The following PHACTR3 variants were observed in gnomAD, a reference collection of about 807,000 sequenced individuals.
The protein encoded by PHACTR3 is phosphatase and actin regulator 3.
A neutral mutation model predicts 66.8 loss-of-function variants in PHACTR3; 16 were observed. The observed-to-expected ratio is 0.24, with a 90% confidence interval of 0.16 to 0.36. PHACTR3 has a LOEUF of 0.36. Among genes scored for constraint, PHACTR3 ranks in the 10% least tolerant of loss-of-function variants. PHACTR3 has a pLI of 1.00. For missense variants in PHACTR3, 647 were observed against 719.9 expected, an observed-to-expected ratio of 0.90 and a Z score of 1.16; for synonymous variants, 323 against 292.1, an observed-to-expected ratio of 1.11 and a Z score of -1.08.
At chr20:59,845,629 AATT>A (rs2059134259) in intron 12 of PHACTR3, among the ~76,000 whole-genome samples, 1 of 152,196 alleles carries the variant, frequency 6.6e-6, no homozygotes, top group Non-Finnish European at 1.5e-5. Flanking sequence ...ATTTTTGTGA[AATT>A]AGTCACTCCC....
At chr20:59,587,923 C>T (rs1025724304) in intron 1 of PHACTR3, among the ~76,000 whole-genome samples, 2 of 152,218 alleles carry the variant, frequency 1.3e-5, no homozygotes, top group Non-Finnish European at 2.9e-5. Context: ...TCCTGCCTTC[C>T]CCTCTGCTTC....
chr20:59,617,983 C>G (rs2146358394), intron 1 of PHACTR3, among the ~76,000 whole-genome samples: 1 of 152,328 alleles, frequency 6.6e-6, no homozygotes, highest in South Asian at 2.1e-4. Context: ...CCCCATCCAG[C>G]TGTGGGGAGG....
intron 8 of PHACTR3, among the ~76,000 whole-genome samples, chr20:59,807,595 G>A (rs985788663): frequency 3.9e-5 from 6 of 152,198 alleles, no homozygotes; most frequent in Admixed American, 1.3e-4. Context: ...TCATGATCAC[G>A]TGTGATGTAC....
chr20:59,596,045 G>A (rs541160930), intron 1 of PHACTR3, among the ~76,000 whole-genome samples: 1 of 152,288 alleles, frequency 6.6e-6, no homozygotes, highest in South Asian at 2.1e-4. Context: ...TCCCAAAGCC[G>A]CCTCGTGTCC....
chr20:59,641,273 T>G (rs559575715), intron 1 of PHACTR3, among the ~76,000 whole-genome samples: 3 of 152,166 alleles, frequency 2.0e-5, no homozygotes, highest in African/African-American at 4.8e-5. Flanking sequence ...TTTCATCCAT[T>G]CATCCATTGT....
intron 1 of PHACTR3, among the ~76,000 whole-genome samples, chr20:59,663,524 G>A (rs1326668370): frequency 6.6e-6 from 1 of 152,258 alleles, no homozygotes; most frequent in East Asian, 1.9e-4. Flanking sequence ...AAAATGTTTC[G>A]GTTCACTCTT....
intron 1 of PHACTR3, among the ~76,000 whole-genome samples, chr20:59,722,214 A>G (rs2038337926): frequency 1.3e-5 from 2 of 150,298 alleles, no homozygotes; most frequent in African/African-American, 4.9e-5. Flanking sequence ...CCTGGGCAGC[A>G]GAGTGAGACT....
intron 8 of PHACTR3, among the ~76,000 whole-genome samples, chr20:59,833,648 T>C (rs1484468272): frequency 1.3e-5 from 2 of 152,112 alleles, no homozygotes; most frequent in Non-Finnish European, 2.9e-5. Context: ...ACAGCCTCAC[T>C]CCTCAGGTGT....
intron 1 of PHACTR3, among the ~76,000 whole-genome samples, chr20:59,585,401 C>T (rs2032994786): frequency 6.6e-6 from 1 of 152,126 alleles, no homozygotes; most frequent in East Asian, 1.9e-4. Flanking sequence ...TCGACCCAGG[C>T]ACGTTTTTCT....
intron 11 of PHACTR3, among the ~76,000 whole-genome samples, chr20:59,841,982 T>TG (rs1362529103): frequency 6.6e-6 from 1 of 152,036 alleles, no homozygotes; most frequent in Non-Finnish European, 1.5e-5. Context: ...AGAGCTACAG[T>TG]GGGGACAAAG....
intron 1 of PHACTR3, among the ~76,000 whole-genome samples, chr20:59,690,680 A>C (rs925178501): frequency 2.0e-5 from 3 of 151,980 alleles, no homozygotes; most frequent in Non-Finnish European, 4.4e-5. Context: ...CTTCCTCCTC[A>C]CTGGCTGGAT....
intron 3 of PHACTR3, among the ~76,000 whole-genome samples, chr20:59,752,506 A>C (rs1777166285): frequency 6.7e-6 from 1 of 149,646 alleles, no homozygotes; most frequent in South Asian, 2.1e-4. Flanking sequence ...GGGAACTGAA[A>C]CTTTTCACTG....
intron 1 of PHACTR3, among the ~76,000 whole-genome samples, chr20:59,652,266 G>A (rs2035482188): frequency 6.6e-6 from 1 of 152,162 alleles, no homozygotes; most frequent in Non-Finnish European, 1.5e-5. Context: ...TGATAGATGT[G>A]GTGGCTCACA....
At chr20:59,612,448 C>T (rs1340082415) in intron 1 of PHACTR3, among the ~76,000 whole-genome samples, 1 of 151,922 alleles carries the variant, frequency 6.6e-6, no homozygotes, top group African/African-American at 2.4e-5. Context: ...GTGACCTCTG[C>T]CTGCCTGGTT....
intron 8 of PHACTR3, among the ~76,000 whole-genome samples, chr20:59,811,758 G>A (rs1298287275): frequency 6.6e-6 from 1 of 152,134 alleles, no homozygotes; most frequent in Non-Finnish European, 1.5e-5. Context: ...GCCCAGCAAG[G>A]GCTCTGGAAC....
chr20:59,577,700 C>T (rs1361913022), intron 1 of PHACTR3: 5 of 950,542 alleles, frequency 5.3e-6, no homozygotes, highest in Admixed American at 5.0e-5. Context: ...GACGACTCCT[C>T]CTGAATCCCT....
intron 9 of PHACTR3, among the ~76,000 whole-genome samples, chr20:59,838,793 T>G (rs2059009304): frequency 6.6e-6 from 1 of 152,184 alleles, no homozygotes; most frequent in Admixed American, 6.5e-5. Flanking sequence ...GTCCTGATTA[T>G]GGGTCCCTTG....
intron 4 of PHACTR3, among the ~76,000 whole-genome samples, chr20:59,757,377 T>C (rs771648678): frequency 2.0e-5 from 3 of 152,356 alleles, no homozygotes; most frequent in Non-Finnish European, 4.4e-5. Flanking sequence ...CTGTTGAGAT[T>C]ACACATTTGT....
At chr20:59,623,690 G>A (rs1362147236) in intron 1 of PHACTR3, among the ~76,000 whole-genome samples, 4 of 152,220 alleles carry the variant, frequency 2.6e-5, no homozygotes, top group African/African-American at 7.2e-5. Flanking sequence ...GTGGGGTGGG[G>A]ATGGTGACCA....
Sources: allele counts gnomAD v4.1 joint callset (sites outside exome capture counted in the v4.1 genomes callset), GRCh38; gene constraint gnomAD v4.1.1; transcripts MANE v1.5; gene names NCBI Gene and HGNC (gene_info 2026-07-23, HGNC 2026-07-21).